Variants in GRM7 observed in about 807,000 individuals in gnomAD.
GRM7 encodes metabotropic glutamate receptor 7.
In GRM7, 35 loss-of-function variants were observed where a neutral mutation model predicts 84.5. That is an observed-to-expected ratio of 0.41 (90% CI 0.32 to 0.55). GRM7 has a LOEUF of 0.55. Among genes scored for constraint, GRM7 ranks in the 20% least tolerant of loss-of-function variants. The probability of loss-of-function intolerance (pLI) is 0.19; values close to 1 mark genes in which losing one functional copy is unlikely to be tolerated. For synonymous variants in GRM7, 487 were observed against 455.1 expected (o/e 1.07, Z -0.89); for missense variants, 1,003 against 1,194.6 (o/e 0.84, Z 2.36).
rs912182917 is a variant in GRM7 at position 7,740,493 on chromosome 3, G to A, written c.*87G>A. 1.7e-5 allele frequency: 12 copies of A among 711,492 alleles called. No individual in the cohort carries two copies. The highest frequency in any genetic ancestry group is 8.7e-5 in the South Asian group (4 of 45,840). The allele number at this position is 711,492 out of a possible 1,614,324, so 44.1% of individuals were successfully genotyped here. Reference sequence around the variant, plus strand: ...GGCATAGGACTCTTTGGTCCTACCCGCTTCCCATCACCGGAGGAGCTTCCC... The same window carrying A: ...GGCATAGGACTCTTTGGTCCTACCCACTTCCCATCACCGGAGGAGCTTCCC... On this transcript the variant is annotated 3_prime_UTR_variant, in exon 10 of 10. Transcript: ENST00000357716.
At chr3:6,921,694 G>A (rs957089657) in intron 1 of GRM7, among the ~76,000 whole-genome samples, 3 of 152,012 alleles carry the variant, frequency 2.0e-5, no homozygotes, top group Non-Finnish European at 4.4e-5. Context: ...CTCCGAAATG[G>A]GTGTTGAAGG....
Position 7,388,786 on chromosome 3 carries a change from T to A in GRM7, c.1034-26237T>A, listed in dbSNP as rs1694882712. Among the ~76,000 whole-genome samples, 3 of 152,172 alleles carry A rather than the reference T, an allele frequency of 2.0e-5. No homozygotes were observed. In the South Asian group the frequency reaches 6.2e-4, roughly 32 times the overall value. On this transcript the variant is annotated intron_variant, in intron 4 of 9. Transcript: ENST00000357716. ...TCTTTGTGTGCTTTTTGAGTATTCT[T>A]TTTTCTTTGTTAATCAGGCTATCAA...
In GRM7 at chr3:7,579,341, C is replaced by T; in HGVS notation, c.2435C>T (p.Ala812Val). 1.3e-6 allele frequency: 2 copies of T among 1,555,464 alleles called. No individual in the cohort carries two copies. Among genetic ancestry groups the T allele is most frequent in the East Asian group, 2.3e-5 (1 of 43,950 alleles). ...LAFIPIFFGT[A>V]QSAEKLYIQT... ...TTCATTCCAATTTTTTTTGGCACCG[C>T]TCAATCAGCGGAAAAGGTAAGTGAA... The change falls in exon 8 of 10, where the codon GCT becomes GTT. Residue 812 changes from alanine to valine, a missense_variant. This residue lies in a region of GRM7 where 910 missense variants were observed against 1,126.0 expected (regional missense o/e 0.81). Coordinates refer to ENST00000357716, the MANE Select transcript of GRM7 (RefSeq NM_000844.4).
intron 1 of GRM7, among the ~76,000 whole-genome samples, chr3:6,934,091 A>G (rs955680673): frequency 1.3e-5 from 2 of 152,178 alleles, no homozygotes; most frequent in Admixed American, 6.5e-5. Context: ...ATCTGCCAGT[A>G]TACACCATGG....
chr3:7,262,336 T>C (rs1698462940), intron 2 of GRM7, among the ~76,000 whole-genome samples: 1 of 152,306 alleles, frequency 6.6e-6, no homozygotes, highest in South Asian at 2.1e-4. Flanking sequence ...GACTGTCTTA[T>C]TTCAGAAAGC....
chr3:7,000,536 A>G (rs1007370967), intron 1 of GRM7, among the ~76,000 whole-genome samples: 2 of 152,140 alleles, frequency 1.3e-5, no homozygotes, highest in African/African-American at 2.4e-5. Flanking sequence ...AAAGTGTAAT[A>G]GGAAAAACAT....
At chr3:7,213,566 G>C (rs948948663) in intron 2 of GRM7, among the ~76,000 whole-genome samples, 6 of 152,186 alleles carry the variant, frequency 3.9e-5, no homozygotes, top group African/African-American at 1.4e-4. Flanking sequence ...AGACACAGAT[G>C]TATATACAGG....
At chr3:6,890,232 T>G (rs1695878526) in intron 1 of GRM7, among the ~76,000 whole-genome samples, 2 of 152,204 alleles carry the variant, frequency 1.3e-5, no homozygotes, top group Admixed American at 6.5e-5. Flanking sequence ...TCTATTTCCT[T>G]CAGTTCTGCT....
At chr3:7,458,927 T>A (rs1406613888) in intron 6 of GRM7, among the ~76,000 whole-genome samples, 2 of 152,232 alleles carry the variant, frequency 1.3e-5, no homozygotes, top group Non-Finnish European at 2.9e-5. Flanking sequence ...AATCCAGATT[T>A]TATTTCTTCT....
At chr3:7,510,471 G>A (rs1700165465) in intron 7 of GRM7, among the ~76,000 whole-genome samples, 1 of 152,150 alleles carries the variant, frequency 6.6e-6, no homozygotes, top group Non-Finnish European at 1.5e-5. Flanking sequence ...CATATTGAAT[G>A]CATGAATGAA....
At chr3:6,890,363 G>A (rs1038024562) in intron 1 of GRM7, among the ~76,000 whole-genome samples, 6 of 151,966 alleles carry the variant, frequency 3.9e-5, no homozygotes, top group Non-Finnish European at 7.4e-5. Flanking sequence ...TCTCTTGAGG[G>A]CATTTAATGC....
intron 1 of GRM7, among the ~76,000 whole-genome samples, chr3:6,981,889 C>T (rs1244170816): frequency 1.3e-5 from 2 of 152,108 alleles, no homozygotes; most frequent in Non-Finnish European, 1.5e-5. Flanking sequence ...GAAAGCAATT[C>T]GTAGATTTCT....
rs777440646 is a variant in GRM7, at chr3:7,146,500, C to T, written c.568C>T (p.Arg190Trp). The T allele has an allele frequency of 8.1e-6, 13 of 1,613,762 alleles. No homozygotes were observed. The highest frequency in any genetic ancestry group is 5.3e-5 in the African/African-American group (4 of 74,870). ...ASTAPELSDD[R>W]RYDFFSRVVP... ...AACGGCACCCGAGCTAAGTGATGACCGGCGCTATGACTTCTTCTCTCGCGT... is the reference window on the plus strand; with the variant it reads ...AACGGCACCCGAGCTAAGTGATGACTGGCGCTATGACTTCTTCTCTCGCGT... Residue 190 changes from arginine (R) to tryptophan (W), a missense_variant, in exon 2 of 10, where the codon CGG becomes TGG. Physicochemically the swap from Arg to Trp is moderately radical, Grantham distance 101. Transcript: ENST00000357716.
chr3:7,693,671 T>G, intron 9 of GRM7: 1 of 1,529,684 alleles, frequency 6.5e-7, no homozygotes, highest in Non-Finnish European at 8.8e-7. Context: ...TGCACTGGCA[T>G]CTAGTCAAGC....
intron 4 of GRM7, among the ~76,000 whole-genome samples, chr3:7,409,714 C>T (rs557625461): frequency 1.3e-5 from 2 of 152,258 alleles, no homozygotes; most frequent in East Asian, 3.9e-4. Flanking sequence ...AGTTCTCCTG[C>T]CTCAGCCTCC....
chr3:6,931,828 A>G (rs1161626053), intron 1 of GRM7, among the ~76,000 whole-genome samples: 5 of 152,388 alleles, frequency 3.3e-5, no homozygotes, highest in South Asian at 4.1e-4. Context: ...GGCAGTAGGC[A>G]TTTGAAACGC....
intron 9 of GRM7, among the ~76,000 whole-genome samples, chr3:7,694,638 T>TAAAC (rs1241187636): frequency 6.6e-6 from 1 of 152,174 alleles, no homozygotes; most frequent in Non-Finnish European, 1.5e-5. Context: ...AAATCACATT[T>TAAAC]AAACACACTC....
intron 1 of GRM7, among the ~76,000 whole-genome samples, chr3:7,127,822 C>T (rs988339295): frequency 3.2e-4 from 48 of 151,866 alleles, no homozygotes; most frequent in African/African-American, 1.0e-3. Context: ...CCCCAATGAT[C>T]GATTTTCAAA....
At chr3:7,613,807 T>C (rs1696954111) in intron 8 of GRM7, among the ~76,000 whole-genome samples, 1 of 152,196 alleles carries the variant, frequency 6.6e-6, no homozygotes, top group Non-Finnish European at 1.5e-5. Context: ...TTGACAGATA[T>C]ACATACTGTA....
Sources: allele counts gnomAD v4.1 joint callset (sites outside exome capture counted in the v4.1 genomes callset), GRCh38; gene constraint gnomAD v4.1.1; regional missense constraint gnomAD v4.1.1; transcripts MANE v1.5; gene names NCBI Gene and HGNC (gene_info 2026-07-23, HGNC 2026-07-21).